The following CCDC91 variants were observed in gnomAD, a reference collection of about 807,000 sequenced individuals.
CCDC91 encodes coiled-coil domain-containing protein 91.
A neutral mutation model predicts 63.2 loss-of-function variants in CCDC91; 48 were observed. The observed-to-expected ratio is 0.76, with a 90% CI of 0.60 to 0.97. The LOEUF is 0.97. Among genes scored for constraint, CCDC91 ranks in the 50% least tolerant of loss-of-function variants. The pLI is 0.00. For synonymous variants in CCDC91, 167 were observed against 165.8 expected, an observed-to-expected ratio of 1.01 and a Z score of -0.06; for missense variants, 500 against 494.6, an observed-to-expected ratio of 1.01 and a Z score of -0.10.
intron 11 of CCDC91, among the ~76,000 whole-genome samples, chr12:28,467,083 A>C (rs1034857014): frequency 1.3e-5 from 2 of 152,080 alleles, no homozygotes; most frequent in African/African-American, 4.8e-5. Context: ...CAAAACAACC[A>C]CACACAAAGA....
chr12:28,207,296 G>T (rs550601831), intron 1 of CCDC91, among the ~76,000 whole-genome samples: 88 of 152,218 alleles, frequency 5.8e-4, no homozygotes, highest in Non-Finnish European at 9.9e-4. Context: ...ATTTCAATGG[G>T]TGTACAGTTC....
intron 8 of CCDC91, among the ~76,000 whole-genome samples, chr12:28,436,520 C>G (rs901973108): frequency 1.3e-5 from 2 of 151,656 alleles, no homozygotes; most frequent in African/African-American, 4.8e-5. Context: ...ACTACTAGAT[C>G]AATTAAGAAT....
intron 1 of CCDC91, among the ~76,000 whole-genome samples, chr12:28,239,793 TA>T (rs1184845853): frequency 6.6e-6 from 1 of 152,142 alleles, no homozygotes; most frequent in East Asian, 1.9e-4. Context: ...AAAGAACTTA[TA>T]ATTGCATGTA....
chr12:28,296,511 TTTCCTATG>T (rs1254012677), intron 3 of CCDC91, among the ~76,000 whole-genome samples: 1 of 151,960 alleles, frequency 6.6e-6, no homozygotes, highest in Non-Finnish European at 1.5e-5. Flanking sequence ...ATCATTTTTA[TTTCCTATG>T]TTCCTCCATC....
chr12:28,304,389 A>AAG (rs1938448348), intron 3 of CCDC91, among the ~76,000 whole-genome samples: 2 of 39,776 alleles, frequency 5.0e-5, no homozygotes, highest in Non-Finnish European at 1.3e-4. Context: ...AAAAAAAAAA[A>AAG]AAAAAAAAAA....
chr12:28,506,805 A>T (rs1402688922), intron 12 of CCDC91, among the ~76,000 whole-genome samples: 1 of 151,780 alleles, frequency 6.6e-6, no homozygotes, highest in Admixed American at 6.6e-5. Flanking sequence ...ACTTCTCTTG[A>T]CAGAGCTGTG....
intron 12 of CCDC91, among the ~76,000 whole-genome samples, chr12:28,506,019 C>T: frequency 6.6e-6 from 1 of 151,952 alleles, no homozygotes; most frequent in East Asian, 1.9e-4. Flanking sequence ...TTAATGATTA[C>T]ACATATTTCT....
intron 3 of CCDC91, among the ~76,000 whole-genome samples, chr12:28,265,268 A>G (rs1202422369): frequency 2.0e-5 from 3 of 152,040 alleles, no homozygotes; most frequent in African/African-American, 7.2e-5. Context: ...ATTGACCATC[A>G]AAGGGAAAAA....
intron 12 of CCDC91, among the ~76,000 whole-genome samples, chr12:28,515,730 T>C (rs1939868759): frequency 6.6e-6 from 1 of 151,900 alleles, no homozygotes; most frequent in Non-Finnish European, 1.5e-5. Flanking sequence ...CTGCATCTAC[T>C]CAGAAGCTTA....
chr12:28,435,367 G>A (rs922525995), intron 8 of CCDC91, among the ~76,000 whole-genome samples: 15 of 151,312 alleles, frequency 9.9e-5, no homozygotes, highest in African/African-American at 3.6e-4. Flanking sequence ...TTTATCCCAT[G>A]AGTTATTTAG....
chr12:28,311,513 G>A (rs1939323967), intron 6 of CCDC91, among the ~76,000 whole-genome samples: 1 of 151,906 alleles, frequency 6.6e-6, no homozygotes, highest in Non-Finnish European at 1.5e-5. Flanking sequence ...CTCAGTACTC[G>A]GCCTTTTGTG....
chr12:28,434,967 A>T (rs533609290), intron 8 of CCDC91, among the ~76,000 whole-genome samples: 1 of 151,698 alleles, frequency 6.6e-6, no homozygotes, highest in Non-Finnish European at 1.5e-5. Context: ...TCCCTGGGAT[A>T]TGCAATGATA....
intron 3 of CCDC91, chr12:28,302,728 C>A: frequency 4.1e-6 from 3 of 733,406 alleles, no homozygotes; most frequent in Non-Finnish European, 5.0e-6. Flanking sequence ...AGATGGAAAA[C>A]ATGAAGCAAA....
chr12:28,385,885 T>G (rs1945566763), intron 7 of CCDC91, among the ~76,000 whole-genome samples: 9 of 152,274 alleles, frequency 5.9e-5, no homozygotes, highest in Admixed American at 5.9e-4. Context: ...CAGCATGCAA[T>G]CAGTTCCACT....
intron 1 of CCDC91, among the ~76,000 whole-genome samples, chr12:28,242,320 T>C (rs1020797034): frequency 2.6e-5 from 4 of 152,198 alleles, no homozygotes; most frequent in African/African-American, 9.7e-5. Flanking sequence ...AGGTGCCCTT[T>C]TGGCGCTTGC....
chr12:28,410,321 G>A (rs900623099), intron 8 of CCDC91, among the ~76,000 whole-genome samples: 5 of 152,030 alleles, frequency 3.3e-5, no homozygotes, highest in Admixed American at 2.6e-4. Context: ...AATCTACTCT[G>A]TATGATATTA....
Position 28,478,657 on chromosome 12 carries a change from C to A in CCDC91, c.1102-5395C>A, listed in dbSNP as rs553119001. 2.0e-5 allele frequency among the ~76,000 whole-genome samples: 3 copies of A among 152,210 alleles called. No homozygotes were observed. The South Asian group carries it at 6.2e-4, about 32-fold the overall frequency. Reference sequence around the variant, plus strand: ...AGCTTCTGCACAGCAAAAGAAACTACCATCAGAGTGAACAGGCAACCTACA... The same window carrying A: ...AGCTTCTGCACAGCAAAAGAAACTAACATCAGAGTGAACAGGCAACCTACA... On this transcript the variant is annotated intron_variant, in intron 11 of 12. Coordinates refer to ENST00000536442, the MANE Select transcript of CCDC91 (RefSeq NM_018318.5).
intron 6 of CCDC91, among the ~76,000 whole-genome samples, chr12:28,345,712 T>C (rs1414826668): frequency 6.6e-6 from 1 of 152,162 alleles, no homozygotes; most frequent in East Asian, 1.9e-4. Context: ...CTTTCAACTT[T>C]TAAAATTAAT....
intron 8 of CCDC91, among the ~76,000 whole-genome samples, chr12:28,402,425 C>T (rs1234437547): frequency 6.6e-6 from 1 of 151,570 alleles, no homozygotes; most frequent in Non-Finnish European, 1.5e-5. Flanking sequence ...TTTCATCTTC[C>T]ACTTGTTCAC....
Sources: gnomAD v4.1 joint callset for allele counts (sites outside exome capture counted in the v4.1 genomes callset) on GRCh38, gnomAD v4.1.1 for gene constraint, MANE v1.5 for transcripts, NCBI Gene and HGNC (gene_info 2026-07-23, HGNC 2026-07-21) for gene names.